AMBRA1: variants seen among roughly 807,000 people sequenced by gnomAD.
AMBRA1 encodes activating molecule in BECN1-regulated autophagy protein 1.
AMBRA1 carries 47 observed loss-of-function variants against 125.4 expected under a neutral mutation model. The ratio of observed to expected loss-of-function variants is 0.37; its 90% CI spans 0.30 to 0.48. AMBRA1 has a LOEUF of 0.48. Ranked by LOEUF, AMBRA1 falls within the 20% of genes least tolerant of loss-of-function variation. The pLI, the probability that AMBRA1 is intolerant of heterozygous loss-of-function variation, is 0.99. For missense variants in AMBRA1, 1,331 were observed against 1,693.4 expected, an observed-to-expected ratio of 0.79 and a Z score of 3.76; for synonymous variants, 626 against 655.5, an observed-to-expected ratio of 0.95 and a Z score of 0.69.
At chr11:46,510,645 T>A (rs887722927) in intron 8 of AMBRA1, among the ~76,000 whole-genome samples, 1 of 152,182 alleles carries the variant, frequency 6.6e-6, no homozygotes, top group Admixed American at 6.5e-5. Flanking sequence ...TGTAGGGACA[T>A]AGGAATTCCC....
Position 46,545,609 on chromosome 11 carries a change from C to A in AMBRA1, c.546G>T (p.Arg182=), listed in dbSNP as rs1952981101. ...AGATGGGGCAGCGCACTCACCGGAC[C>A]CGTTCCATCTCACTAGCTGTCTTCA... ...AVVKTASEME[R]VRLVRFDPLG... is the part of the protein sequence containing the mutation. The change falls in exon 5 of 18, where the codon CGG becomes CGT. Residue 182 remains arginine, a synonymous_variant. Transcript: ENST00000683756. The A allele has an allele frequency of 2.5e-6, 4 of 1,613,642 alleles. No individual in the cohort carries two copies. Among genetic ancestry groups the A allele is most frequent in the Admixed American group, 1.7e-5 (1 of 59,986 alleles).
chr11:46,401,100 G>A (rs1565117551), intron 17 of AMBRA1, among the ~76,000 whole-genome samples: 1 of 152,110 alleles, frequency 6.6e-6, no homozygotes, highest in African/African-American at 2.4e-5. Flanking sequence ...GTCCCCTGGG[G>A]CCCTCCCTGT....
intron 11 of AMBRA1, among the ~76,000 whole-genome samples, chr11:46,488,276 T>C (rs1042966806): frequency 1.3e-5 from 2 of 151,942 alleles, no homozygotes; most frequent in Non-Finnish European, 2.9e-5. Flanking sequence ...GCCAATATGG[T>C]GAAACCCCAT....
At chr11:46,550,140 T>C (rs1168231401) in intron 1 of AMBRA1, among the ~76,000 whole-genome samples, 3 of 152,204 alleles carry the variant, frequency 2.0e-5, no homozygotes, top group Non-Finnish European at 2.9e-5. Context: ...TTCTAAAAGA[T>C]CAGGAGAGTT....
intron 9 of AMBRA1, chr11:46,495,516 A>G (rs1228175020): frequency 1.3e-5 from 2 of 152,254 alleles, no homozygotes; most frequent in Non-Finnish European, 2.9e-5. Context: ...GAAAGCGTAC[A>G]CTGTGTTCCT....
chr11:46,561,420 G>C (rs150461459), intron 1 of AMBRA1, among the ~76,000 whole-genome samples: 253 of 149,254 alleles, frequency 1.7e-3, no homozygotes, highest in African/African-American at 6.0e-3. Flanking sequence ...AAAAAAAAAA[G>C]CTTTGAGAAC....
chr11:46,538,093 G>A (rs1256761328), intron 7 of AMBRA1, among the ~76,000 whole-genome samples: 2 of 152,178 alleles, frequency 1.3e-5, no homozygotes, highest in African/African-American at 4.8e-5. Flanking sequence ...AGAGGAAGAG[G>A]CAGACCAGCA....
chr11:46,545,331 G>A (rs868618817), intron 5 of AMBRA1, among the ~76,000 whole-genome samples: 2 of 151,790 alleles, frequency 1.3e-5, no homozygotes, highest in Non-Finnish European at 1.5e-5. Flanking sequence ...GCATGGTGGT[G>A]GGTGCCTGCA....
At chr11:46,510,308 C>G (rs1951208002) in intron 8 of AMBRA1, among the ~76,000 whole-genome samples, 1 of 152,238 alleles carries the variant, frequency 6.6e-6, no homozygotes, top group Non-Finnish European at 1.5e-5. Flanking sequence ...ATGCATTTTG[C>G]AAGGATGAAC....
intron 9 of AMBRA1, among the ~76,000 whole-genome samples, chr11:46,500,392 A>G (rs1306071101): frequency 6.6e-6 from 1 of 152,226 alleles, no homozygotes; most frequent in Non-Finnish European, 1.5e-5. Flanking sequence ...CCCTCAGACA[A>G]TCAATACTTA....
At chr11:46,547,985 TA>T in intron 2 of AMBRA1, 110 bp from the exon 3 acceptor site, 1 of 1,320,828 alleles carries the variant, frequency 7.6e-7, no homozygotes, top group Non-Finnish European at 1.0e-6. Context: ...AGTGTAGGCT[TA>T]AAAACTGGAG....
At chr11:46,481,138 G>A (rs1950047935) in intron 11 of AMBRA1, among the ~76,000 whole-genome samples, 1 of 152,140 alleles carries the variant, frequency 6.6e-6, no homozygotes, top group Admixed American at 6.6e-5. Context: ...GAGACCAGAG[G>A]CCTGCCGTCC....
At chr11:46,470,985 T>C (rs1489674863) in intron 11 of AMBRA1, among the ~76,000 whole-genome samples, 3 of 152,104 alleles carry the variant, frequency 2.0e-5, no homozygotes, top group Non-Finnish European at 2.9e-5. Flanking sequence ...TGGAGAAATA[T>C]AAAACAGGGA....
chr11:46,403,859 G>A (rs896584621), intron 17 of AMBRA1, among the ~76,000 whole-genome samples: 2 of 152,082 alleles, frequency 1.3e-5, no homozygotes, highest in Non-Finnish European at 2.9e-5. Flanking sequence ...GGGAGGGGCA[G>A]GGCACAGAAC....
At chr11:46,488,657 TCTC>T (rs1171378437) in intron 11 of AMBRA1, among the ~76,000 whole-genome samples, 4 of 152,004 alleles carry the variant, frequency 2.6e-5, no homozygotes, top group Admixed American at 2.0e-4. Flanking sequence ...GAATACACAT[TCTC>T]CTCAAGCACA....
chr11:46,583,677 A>AAAAAAAAAAAAAAAAAAAAAAAAAAAC (rs1565324615), intron 1 of AMBRA1, among the ~76,000 whole-genome samples: 2 of 143,832 alleles, frequency 1.4e-5, no homozygotes, highest in African/African-American at 5.3e-5. Flanking sequence ...AAAAAAAAAA[A>AAAAAAAAAAAAAAAAAAAAAAAAAAAC]AACAACAAAA....
intron 17 of AMBRA1, among the ~76,000 whole-genome samples, chr11:46,400,358 A>G (rs1945681138): frequency 6.6e-6 from 1 of 150,850 alleles, no homozygotes; most frequent in Admixed American, 6.6e-5. Flanking sequence ...CTGCCTCATT[A>G]GAGTTGGATT....
intron 14 of AMBRA1, among the ~76,000 whole-genome samples, chr11:46,419,995 T>TACACACACACACACACACACACAC (rs34070050): frequency 0.41 from 52,192 of 128,780 alleles, 11,688 homozygotes; most frequent in Non-Finnish European, 0.46. Context: ...GTGTCCTCAA[T>TACACACACACACACACACACACAC]ACACACACAC....
At chr11:46,436,976 C>T (rs1004670138) in intron 12 of AMBRA1, among the ~76,000 whole-genome samples, 36 of 152,134 alleles carry the variant, frequency 2.4e-4, no homozygotes, top group African/African-American at 7.5e-4. Flanking sequence ...TTTAATGTCT[C>T]GAAAATGTCT....
Sources: allele counts gnomAD v4.1 joint callset (sites outside exome capture counted in the v4.1 genomes callset), GRCh38; gene constraint gnomAD v4.1.1; transcripts MANE v1.5; gene names NCBI Gene and HGNC (gene_info 2026-07-23, HGNC 2026-07-21).